Variants in NAV3 observed in about 807,000 individuals in gnomAD.
NAV3 encodes neuron navigator 3, also known as pore membrane and/or filament interacting like protein 1.
In NAV3, 87 loss-of-function variants were observed where a neutral mutation model predicts 244.7. The observed-to-expected ratio is 0.36, with a 90% CI of 0.30 to 0.42. NAV3 has a LOEUF of 0.42. Among genes scored for constraint, NAV3 ranks in the 20% least tolerant of loss-of-function variants. NAV3 has a pLI of 1.00. For missense variants in NAV3, 2,663 were observed against 2,893.3 expected, an observed-to-expected ratio of 0.92 and a Z score of 1.83; for synonymous variants, 1,126 against 1,042.2, an observed-to-expected ratio of 1.08 and a Z score of -1.55.
At chr12:77,942,537 A>G (rs1889975616) in intron 3 of NAV3, among the ~76,000 whole-genome samples, 1 of 152,174 alleles carries the variant, frequency 6.6e-6, no homozygotes, top group Admixed American at 6.5e-5. Flanking sequence ...AGTTTTAAGG[A>G]AACTTCCTGA....
chr12:78,146,093 G>A (rs1180539931), intron 20 of NAV3, among the ~76,000 whole-genome samples: 3 of 151,934 alleles, frequency 2.0e-5, no homozygotes, highest in Non-Finnish European at 2.9e-5. Flanking sequence ...TTACATCTTA[G>A]AGTCTTTTAA....
rs111372087 is a variant in NAV3, at chr12:77,906,078, T to A, written c.244-34241T>A. 8.1e-3 allele frequency among the ~76,000 whole-genome samples: 1,236 copies of A among 152,192 alleles called. 15 individuals carry two copies. Among genetic ancestry groups the A allele is most frequent in the South Asian group, 0.043 (208 of 4,832 alleles). ...AAAATTGTGGAGCATGCAGGAAAGG[T>A]AGAGAGCTATAGGCACTGGATTGAT... On this transcript the variant is annotated intron_variant, in intron 1 of 39. Coordinates refer to ENST00000397909, the MANE Select transcript of NAV3 (RefSeq NM_001024383.2).
At chr12:77,637,608 C>T (rs185306685) in intron 2 of NAV3, among the ~76,000 whole-genome samples, 15 of 152,196 alleles carry the variant, frequency 9.9e-5, no homozygotes, top group Middle Eastern at 3.4e-3. Context: ...CCCCATTTTA[C>T]AGAAGTGGAA....
At chr12:77,758,328 A>G (rs1869289966) in intron 2 of NAV3, among the ~76,000 whole-genome samples, 2 of 152,204 alleles carry the variant, frequency 1.3e-5, no homozygotes, top group Admixed American at 1.3e-4. Flanking sequence ...AAAAGAAAAA[A>G]AAACAGAGAC....
intron 9 of NAV3, among the ~76,000 whole-genome samples, chr12:78,022,624 A>G (rs949453139): frequency 1.1e-4 from 17 of 152,152 alleles, no homozygotes; most frequent in Non-Finnish European, 1.9e-4. Context: ...ATTCACAGCT[A>G]AGTTCAAATG....
chr12:78,201,277 G>A (rs1221215067), intron 38 of NAV3, among the ~76,000 whole-genome samples: 2 of 151,538 alleles, frequency 1.3e-5, no homozygotes, highest in Non-Finnish European at 2.9e-5. Context: ...TCGCTAGGTT[G>A]CTCAGGCTGG....
At chr12:77,752,624 C>A (rs1246678221) in intron 2 of NAV3, among the ~76,000 whole-genome samples, 1 of 152,154 alleles carries the variant, frequency 6.6e-6, no homozygotes, top group Non-Finnish European at 1.5e-5. Flanking sequence ...GAGTCTGAAT[C>A]CTGGCCCTAC....
At chr12:77,699,010 C>T (rs1875438914) in intron 2 of NAV3, among the ~76,000 whole-genome samples, 1 of 152,114 alleles carries the variant, frequency 6.6e-6, no homozygotes, top group African/African-American at 2.4e-5. Flanking sequence ...ATAAACCTAA[C>T]TATGTAGCAA....
At chr12:78,190,250 C>T (rs774125319) in intron 34 of NAV3, 31 bp downstream of exon 34, 3 of 1,541,838 alleles carry the variant, frequency 1.9e-6, no homozygotes, top group South Asian at 2.3e-5. Context: ...AGAACAGCTA[C>T]AATTTATCCA....
At chr12:77,827,713 C>A (rs893764118), upstream of NAV3, among the ~76,000 whole-genome samples, 27 of 152,142 alleles carry the variant, frequency 1.8e-4, no homozygotes, top group African/African-American at 2.4e-5. Context: ...ATTTATTGAA[C>A]ACTTACTATG....
intron 2 of NAV3, among the ~76,000 whole-genome samples, chr12:77,693,886 T>A (rs538528359): frequency 2.0e-5 from 3 of 152,290 alleles, no homozygotes; most frequent in South Asian, 4.1e-4. Flanking sequence ...CAAAGACATC[T>A]GCCTGTGTTT....
chr12:78,133,846 G>GA (rs1448624879), intron 18 of NAV3, among the ~76,000 whole-genome samples: 2 of 151,952 alleles, frequency 1.3e-5, no homozygotes, highest in Admixed American at 6.6e-5. Context: ...TTTTATGAAT[G>GA]AAAAAATGGA....
intron 1 of NAV3, among the ~76,000 whole-genome samples, chr12:77,857,752 T>C (rs2136303247): frequency 6.6e-6 from 1 of 152,036 alleles, no homozygotes; most frequent in Non-Finnish European, 1.5e-5. Flanking sequence ...TATCCATATA[T>C]AAAATAATGT....
At chr12:78,023,914 T>C (rs1047507868) in intron 9 of NAV3, among the ~76,000 whole-genome samples, 1 of 152,180 alleles carries the variant, frequency 6.6e-6, no homozygotes, top group Admixed American at 6.5e-5. Context: ...TAATTTTGTG[T>C]TGCAGTCCCT....
In NAV3 at chr12:77,718,093, T is replaced by C. The variant is rs1876442337; in HGVS notation, c.72+145827T>C. On this transcript the variant is annotated intron_variant, in intron 2 of 8. Coordinates refer to the NAV3 transcript ENST00000550042. ...CTTGTTGGTTAGATATAGTGACAGT[T>C]GTTTTATTTTGCTTTTGTATCTTAT... is the stretch of plus-strand genomic sequence containing the variant. Among the ~76,000 whole-genome samples the C allele has an allele frequency of 2.0e-5, 3 of 152,182 alleles. No individual in the cohort carries two copies. The South Asian group carries it at 6.2e-4, about 31-fold the overall frequency.
At chr12:77,694,257 G>A (rs1427687563) in intron 2 of NAV3, among the ~76,000 whole-genome samples, 1 of 151,704 alleles carries the variant, frequency 6.6e-6, no homozygotes. Flanking sequence ...TTGAGGTCAG[G>A]AGATGGAGAC....
chr12:77,737,926 A>G (rs1241004069), intron 2 of NAV3, among the ~76,000 whole-genome samples: 3 of 151,924 alleles, frequency 2.0e-5, no homozygotes, highest in Non-Finnish European at 4.4e-5. Flanking sequence ...CAAATTTACC[A>G]TTTTTCAATC....
intron 1 of NAV3, among the ~76,000 whole-genome samples, chr12:77,901,606 A>G (rs1228904134): frequency 6.6e-6 from 1 of 152,178 alleles, no homozygotes; most frequent in Non-Finnish European, 1.5e-5. Flanking sequence ...GCCACTTGGG[A>G]GGCTGAGGCA....
chr12:77,672,539 A>AGT (rs1031274864), intron 2 of NAV3, among the ~76,000 whole-genome samples: 4 of 151,738 alleles, frequency 2.6e-5, no homozygotes, highest in African/African-American at 9.7e-5. Context: ...AAAGGTGATA[A>AGT]GTGTGTGTGT....
Sources: allele counts gnomAD v4.1 joint callset (sites outside exome capture counted in the v4.1 genomes callset), GRCh38; gene constraint gnomAD v4.1.1; transcripts MANE v1.5; gene names NCBI Gene and HGNC (gene_info 2026-07-23, HGNC 2026-07-21).